CCDC7: variants seen among roughly 807,000 people sequenced by gnomAD.
CCDC7 encodes the protein coiled-coil domain-containing protein 7.
CCDC7 carries 183 observed loss-of-function variants against 196.9 expected under a neutral mutation model. That is an observed-to-expected ratio of 0.93 (90% CI 0.82 to 1.05). CCDC7 has a LOEUF of 1.05. Ranked by LOEUF, CCDC7 falls within the 50% of genes least tolerant of loss-of-function variation. The probability of loss-of-function intolerance (pLI) is 0.00; values close to 1 mark genes in which losing one functional copy is unlikely to be tolerated. For synonymous variants in CCDC7, 525 were observed against 484.6 expected, an observed-to-expected ratio of 1.08 and a Z score of -1.10; for missense variants, 1,540 against 1,482.2, an observed-to-expected ratio of 1.04 and a Z score of -0.64.
At chr10:32,844,323 A>G (rs2093154498) in intron 33 of CCDC7, among the ~76,000 whole-genome samples, 1 of 151,978 alleles carries the variant, frequency 6.6e-6, no homozygotes, top group Non-Finnish European at 1.5e-5. Flanking sequence ...CCCAAGTACA[A>G]AGTCTACAAA....
chr10:32,574,526 G>T, intron 16 of CCDC7: 1 of 1,468,260 alleles, frequency 6.8e-7, no homozygotes, highest in South Asian at 1.4e-5. Context: ...GCAGATACAT[G>T]GTATTGCTTA....
intron 11 of CCDC7, among the ~76,000 whole-genome samples, chr10:32,539,003 T>G (rs2050966921): frequency 6.6e-6 from 1 of 152,186 alleles, no homozygotes; most frequent in African/African-American, 2.4e-5. Context: ...CCTCATAGAA[T>G]GAGTTAGGGA....
chr10:32,857,395 A>ACAAATT, intron 41 of CCDC7, among the ~76,000 whole-genome samples: 1 of 152,334 alleles, frequency 6.6e-6, no homozygotes, highest in South Asian at 2.1e-4. Flanking sequence ...ACAAGTCTTA[A>ACAAATT]CAAATTCAAG....
chr10:32,577,216 G>A (rs1009771309), intron 16 of CCDC7, among the ~76,000 whole-genome samples: 2 of 151,994 alleles, frequency 1.3e-5, no homozygotes, highest in Admixed American at 6.6e-5. Context: ...ACAAAAATTA[G>A]CTGGGCATGG....
intron 21 of CCDC7, 99 bp from the exon 23 acceptor site, chr10:32,685,871 G>A (rs1000603305): frequency 3.0e-6 from 2 of 664,016 alleles, no homozygotes; most frequent in South Asian, 4.1e-5. Context: ...AGAAGTGACT[G>A]AGAATGCTCA....
intron 20 of CCDC7, among the ~76,000 whole-genome samples, chr10:32,640,870 T>TC (rs1554940366): frequency 5.2e-5 from 4 of 76,574 alleles, no homozygotes; most frequent in African/African-American, 1.3e-4. Flanking sequence ...TTTTCTTTTT[T>TC]TTTTTCTTTT....
At chr10:32,511,263 G>GGT in intron 9 of CCDC7, 5 of 591,270 alleles carry the variant, frequency 8.5e-6, no homozygotes, top group South Asian at 2.2e-5. Flanking sequence ...GTGGGGGGCG[G>GGT]GGGGGGCGGG....
intron 20 of CCDC7, among the ~76,000 whole-genome samples, chr10:32,642,366 A>T (rs1036752537): frequency 6.6e-6 from 1 of 152,000 alleles, no homozygotes; most frequent in African/African-American, 2.4e-5. Flanking sequence ...CCCCTCCCCC[A>T]GCCTGGCTGC....
chr10:32,663,356 G>T (rs987169726), intron 20 of CCDC7, among the ~76,000 whole-genome samples: 17 of 152,094 alleles, frequency 1.1e-4, no homozygotes, highest in African/African-American at 3.9e-4. Context: ...TTTAACAATG[G>T]TCATTGGATG....
At chr10:32,769,464 C>T in intron 28 of CCDC7, among the ~76,000 whole-genome samples, 1 of 150,622 alleles carries the variant, frequency 6.6e-6, no homozygotes. Flanking sequence ...TTGGTTGATC[C>T]ATTGTATTAT....
chr10:32,816,607 T>A (rs2088639727), intron 31 of CCDC7, among the ~76,000 whole-genome samples: 2 of 152,118 alleles, frequency 1.3e-5, no homozygotes, highest in Non-Finnish European at 2.9e-5. Context: ...GACTGACACC[T>A]CACATGGCCA....
At chr10:32,689,758 A>G (rs1248604372) in intron 23 of CCDC7, among the ~76,000 whole-genome samples, 3 of 151,570 alleles carry the variant, frequency 2.0e-5, no homozygotes, top group Non-Finnish European at 2.9e-5. Context: ...TTTTTGAGAC[A>G]CGGTCTCACT....
In CCDC7 at chr10:32,755,722, G is replaced by A. The variant is rs140257835; in HGVS notation, c.2906-23255G>A. 6.5e-3 allele frequency among the ~76,000 whole-genome samples: 992 copies of A among 152,170 alleles called. 6 individuals are homozygous for A. Among genetic ancestry groups the A allele is most frequent in the African/African-American group, 0.022 (926 of 41,524 alleles). On this transcript the variant is annotated intron_variant, in intron 28 of 41. Transcript: ENST00000639629. ...CTCCTCCAAAGGAATGCAGATCCTCGCAAGCAGCAGAACAAAGCTGGACGG... is the reference window on the plus strand; with the variant it reads ...CTCCTCCAAAGGAATGCAGATCCTCACAAGCAGCAGAACAAAGCTGGACGG...
chr10:32,449,421 T>C (rs2032381009), upstream of CCDC7, among the ~76,000 whole-genome samples: 1 of 151,940 alleles, frequency 6.6e-6, no homozygotes, highest in Non-Finnish European at 1.5e-5. Flanking sequence ...CTCCTGACCT[T>C]GGGATCCACC....
chr10:32,482,464 T>C (rs1319996281), intron 8 of CCDC7, among the ~76,000 whole-genome samples: 1 of 150,486 alleles, frequency 6.6e-6, no homozygotes, highest in Non-Finnish European at 1.5e-5. Flanking sequence ...TTATCTTTTC[T>C]AATTTTAATT....
At chr10:32,650,793 G>C (rs11009018) in intron 20 of CCDC7, among the ~76,000 whole-genome samples, 16,086 of 152,140 alleles carry the variant, frequency 0.11, 1,050 homozygotes, top group South Asian at 0.25. Flanking sequence ...ATGGGTTCTG[G>C]GTGCAGTGTG....
intron 31 of CCDC7, among the ~76,000 whole-genome samples, chr10:32,820,921 C>A (rs1398852114): frequency 6.6e-6 from 1 of 152,104 alleles, no homozygotes; most frequent in African/African-American, 2.4e-5. Context: ...GACTTCATGT[C>A]TAAAACACCA....
chr10:32,565,691 A>T, intron 14 of CCDC7, 71 bp downstream of exon 15: 3 of 1,515,406 alleles, frequency 2.0e-6, no homozygotes, highest in Non-Finnish European at 2.7e-6. Context: ...TTTTCAAATG[A>T]ATAATTTTTA....
chr10:32,489,903 T>A (rs1206960011), intron 8 of CCDC7, among the ~76,000 whole-genome samples: 1 of 151,646 alleles, frequency 6.6e-6, no homozygotes, highest in Admixed American at 6.6e-5. Flanking sequence ...GCATGGTGGC[T>A]CTGGTCCTGG....
Sources: allele counts gnomAD v4.1 joint callset (sites outside exome capture counted in the v4.1 genomes callset), GRCh38; gene constraint gnomAD v4.1.1; transcripts MANE v1.5; gene names NCBI Gene and HGNC (gene_info 2026-07-23, HGNC 2026-07-21).